The following RASEF variants were observed in gnomAD, a reference collection of about 807,000 sequenced individuals.
RASEF encodes the protein ras and EF-hand domain-containing protein.
Under a neutral mutation model 90.1 loss-of-function variants are expected in RASEF, and 68 were observed. The observed-to-expected ratio is 0.75, with a 90% CI of 0.62 to 0.92. The LOEUF is 0.92. Among genes scored for constraint, RASEF ranks in the 40% least tolerant of loss-of-function variants. The pLI, the probability that RASEF is intolerant of heterozygous loss-of-function variation, is 0.00. For missense variants in RASEF, 949 were observed against 937.2 expected, an observed-to-expected ratio of 1.01 and a Z score of -0.16; for synonymous variants, 331 against 345.2, an observed-to-expected ratio of 0.96 and a Z score of 0.46.
chr9:83,063,387 C>T (rs145621677), upstream of RASEF, among the ~76,000 whole-genome samples: 1 of 152,182 alleles, frequency 6.6e-6, no homozygotes, highest in Non-Finnish European at 1.5e-5. Context: ...CGTGCTGGCG[C>T]GCGCGTCAGA....
the RASEF span, among the ~76,000 whole-genome samples, chr9:83,086,506 GTTTTA>G: frequency 6.6e-6 from 1 of 152,280 alleles, no homozygotes; most frequent in East Asian, 1.9e-4. Context: ...CCATAACTAT[GTTTTA>G]TACCAATTTA....
At chr9:83,056,095 T>C (rs1042071467) in intron 1 of RASEF, among the ~76,000 whole-genome samples, 1 of 152,212 alleles carries the variant, frequency 6.6e-6, no homozygotes, top group Non-Finnish European at 1.5e-5. Context: ...ACTGGAGCTG[T>C]ATATCCTGTT....
At chr9:82,997,263 G>C (rs1323463296) in intron 13 of RASEF, 137 bp from the exon 14 acceptor site, 5 of 625,390 alleles carry the variant, frequency 8.0e-6, no homozygotes, top group South Asian at 7.5e-5. Flanking sequence ...CTGAGACATA[G>C]GCATTTCAAA....
chr9:82,983,983 C>A (rs1828665918), intron 16 of RASEF, among the ~76,000 whole-genome samples: 1 of 152,190 alleles, frequency 6.6e-6, no homozygotes, highest in Non-Finnish European at 1.5e-5. Flanking sequence ...GCCACCTCTG[C>A]CAACTGTGAG....
chr9:83,158,082 G>T, the RASEF span, among the ~76,000 whole-genome samples: 133,749 of 152,192 alleles, frequency 0.88, 59,089 homozygotes, highest in African/African-American at 0.97. Context: ...TCATTTTTGA[G>T]TCCACGTTTT....
chr9:83,113,890 G>A, the RASEF span, among the ~76,000 whole-genome samples: 1 of 152,148 alleles, frequency 6.6e-6, no homozygotes, highest in African/African-American at 2.4e-5. Context: ...GCCCTTTGAA[G>A]CATGTGATCC....
the RASEF span, among the ~76,000 whole-genome samples, chr9:83,184,952 T>G: frequency 2.0e-5 from 3 of 152,118 alleles, no homozygotes; most frequent in Non-Finnish European, 1.5e-5. Context: ...CCCCTGGGAA[T>G]GTGTTAGAAA....
the RASEF span, among the ~76,000 whole-genome samples, chr9:83,196,060 G>A: frequency 6.6e-6 from 1 of 152,136 alleles, no homozygotes; most frequent in East Asian, 1.9e-4. Context: ...TTACTTCAAG[G>A]TGTTTCGCCT....
At chr9:83,095,146 A>G in the RASEF span, among the ~76,000 whole-genome samples, 1 of 152,184 alleles carries the variant, frequency 6.6e-6, no homozygotes, top group Non-Finnish European at 1.5e-5. Context: ...CAAGTGCCAG[A>G]CCAGTTGTAA....
chr9:83,071,734 A>G, the RASEF span, among the ~76,000 whole-genome samples: 1 of 152,136 alleles, frequency 6.6e-6, no homozygotes, highest in African/African-American at 2.4e-5. Context: ...GTGGTGAATT[A>G]TACTGATGGA....
chr9:83,180,831 GAGACT>G, the RASEF span, among the ~76,000 whole-genome samples: 2,164 of 152,114 alleles, frequency 0.014, 37 homozygotes, highest in African/African-American at 0.048. Context: ...AATTGGAAAT[GAGACT>G]AGACATGTAA....
chr9:83,155,231 A>T, the RASEF span, among the ~76,000 whole-genome samples: 1 of 152,170 alleles, frequency 6.6e-6, no homozygotes, highest in Non-Finnish European at 1.5e-5. Flanking sequence ...GGCCTTTAGA[A>T]TACCTGGATG....
chr9:83,160,482 T>A, the RASEF span, among the ~76,000 whole-genome samples: 3 of 151,954 alleles, frequency 2.0e-5, no homozygotes, highest in Non-Finnish European at 4.4e-5. Flanking sequence ...GTGGAAAAAA[T>A]TTCTAAGCAC....
chr9:83,059,126 A>T (rs957213157), intron 1 of RASEF, among the ~76,000 whole-genome samples: 76 of 151,220 alleles, frequency 5.0e-4, no homozygotes, highest in African/African-American at 1.8e-3. Flanking sequence ...TTCTAAGTTA[A>T]TTTATCAGCA....
At chr9:83,021,709 TTATAAGTAATCCAGAGATGATTTAAAG>T (rs879529272) in intron 3 of RASEF, among the ~76,000 whole-genome samples, 3 of 152,210 alleles carry the variant, frequency 2.0e-5, no homozygotes, top group Non-Finnish European at 4.4e-5. Flanking sequence ...ATATTAGGTA[TTATAAGTAATCCAGAGATGATTTAAAG>T]TATACTAGAG....
At chr9:83,147,538 G>A in the RASEF span, among the ~76,000 whole-genome samples, 2 of 152,142 alleles carry the variant, frequency 1.3e-5, no homozygotes, top group East Asian at 1.9e-4. Context: ...ATGCAGATGG[G>A]ATGGTATACA....
Position 82,981,980 on chromosome 9 carries a change from AAT to A in RASEF, c.*695_*696del, listed in dbSNP as rs1828612528. ...CAAACATGTTTCTTTATACATAAAAAATAGATATTTCTGTTTCCATTTTTTAA... is the reference window on the plus strand; with the variant it reads ...CAAACATGTTTCTTTATACATAAAAAAGATATTTCTGTTTCCATTTTTTAA... On this transcript the variant is annotated 3_prime_UTR_variant, in exon 17 of 17. Transcript: ENST00000376447. 1.3e-5 allele frequency: 2 copies of A among 152,366 alleles called. No individual in the cohort carries two copies. Among genetic ancestry groups the A allele is most frequent in the South Asian group, 2.1e-4 (1 of 4,830 alleles). 9.4% of individuals were successfully genotyped at this position (152,366 alleles called of 1,614,324 possible).
chr9:83,158,022 G>A, the RASEF span, among the ~76,000 whole-genome samples: 1 of 152,098 alleles, frequency 6.6e-6, no homozygotes, highest in Non-Finnish European at 1.5e-5. Context: ...CATCTGGAAA[G>A]CATGAATTTT....
rs1828628211 is a variant in RASEF, at chr9:82,982,590, G to C, written c.*87C>G. ...ACTCTCCATAGGACAGTGTCAGTAG[G>C]ATGTGCCACTCTGTTAAGAGCCAAA... On this transcript the variant is annotated 3_prime_UTR_variant, in exon 17 of 17. Coordinates refer to ENST00000376447, the MANE Select transcript of RASEF (RefSeq NM_152573.4). The C allele has an allele frequency of 2.6e-6, 2 of 781,662 alleles. No homozygotes were observed. Among genetic ancestry groups the C allele is most frequent in the East Asian group, 5.0e-5 (2 of 39,972 alleles). 48.4% of individuals were successfully genotyped at this position (781,662 alleles called of 1,614,324 possible).
Sources: gnomAD v4.1 joint callset for allele counts (sites outside exome capture counted in the v4.1 genomes callset) on GRCh38, gnomAD v4.1.1 for gene constraint, MANE v1.5 for transcripts, NCBI Gene and HGNC (gene_info 2026-07-23, HGNC 2026-07-21) for gene names.